The following ASXL3 variants were observed in gnomAD, a reference collection of about 807,000 sequenced individuals.
ASXL3 encodes ASXL transcriptional regulator 3.
In ASXL3, 34 loss-of-function variants were observed where a neutral mutation model predicts 170.6. The ratio of observed to expected loss-of-function variants is 0.20; its 90% CI spans 0.15 to 0.27. The LOEUF is 0.27. Ranked by LOEUF, ASXL3 falls within the 10% of genes least tolerant of loss-of-function variation. The pLI, the probability that ASXL3 is intolerant of heterozygous loss-of-function variation, is 1.00. For missense variants in ASXL3, 2,592 were observed against 2,695.3 expected, an observed-to-expected ratio of 0.96 and a Z score of 0.85; for synonymous variants, 1,002 against 989.1, an observed-to-expected ratio of 1.01 and a Z score of -0.24.
rs946771149 is a variant in ASXL3, at chr18:33,748,335, A to G, written c.*1740A>G. 6 of 152,088 alleles carry G rather than the reference A, an allele frequency of 3.9e-5. No individual in the cohort carries two copies. Among genetic ancestry groups the G allele is most frequent in the African/African-American group, 1.4e-4 (6 of 41,402 alleles). 9.4% of individuals were successfully genotyped at this position (152,088 alleles called of 1,614,324 possible). ...TGTTTTTTTCTCCGTATTTATTGTG[A>G]TGTTGCCAAATTTCTTTCTTTAGGT... On this transcript the variant is annotated 3_prime_UTR_variant, in exon 12 of 12. Transcript: ENST00000269197.
At chr18:33,671,198 C>A (rs1483734830) in intron 6 of ASXL3, among the ~76,000 whole-genome samples, 2 of 152,090 alleles carry the variant, frequency 1.3e-5, no homozygotes, top group East Asian at 3.9e-4. Context: ...GTCAGAAATC[C>A]TTTTATTAGT....
chr18:33,696,232 C>T (rs1053068576), intron 8 of ASXL3, among the ~76,000 whole-genome samples: 4 of 151,886 alleles, frequency 2.6e-5, no homozygotes, highest in African/African-American at 9.7e-5. Flanking sequence ...TATAGTTGCC[C>T]AAGAAAATAC....
intron 6 of ASXL3, among the ~76,000 whole-genome samples, chr18:33,671,161 A>G (rs192866219): frequency 2.2e-4 from 33 of 152,208 alleles, no homozygotes; most frequent in African/African-American, 7.5e-4. Context: ...GTGAGTGTGA[A>G]TTTGTTTTTC....
rs936758687 is a variant in ASXL3, at chr18:33,750,095, C to G, written c.*3500C>G. ...TGTACGGTGGTGAGGCCCAGCACAG[C>G]GGTAGCTGCCTAGTGGGAATGACCC... On this transcript the variant is annotated 3_prime_UTR_variant, in exon 12 of 12. Transcript: ENST00000269197. 7 of 152,236 alleles carry G rather than the reference C, an allele frequency of 4.6e-5. No homozygotes were observed. Among genetic ancestry groups the G allele is most frequent in the Non-Finnish European group, 1.5e-5 (1 of 68,104 alleles). 9.4% of individuals were successfully genotyped at this position (152,236 alleles called of 1,614,324 possible). A position where few individuals can be genotyped will look rare whatever the true frequency, so the allele number is the denominator to read the frequency against.
chr18:33,727,972 G>A (rs933841324), intron 8 of ASXL3, among the ~76,000 whole-genome samples: 2 of 152,048 alleles, frequency 1.3e-5, no homozygotes, highest in African/African-American at 4.8e-5. Flanking sequence ...ATGTGTTTAT[G>A]TCACACTGCC....
intron 8 of ASXL3, among the ~76,000 whole-genome samples, chr18:33,695,302 A>C (rs2145313293): frequency 6.6e-6 from 1 of 152,220 alleles, no homozygotes; most frequent in African/African-American, 2.4e-5. Flanking sequence ...TGAGTCTGAA[A>C]GCGTATCTAA....
At chr18:33,731,896 G>C (rs1008200652) in intron 8 of ASXL3, 72 bp from the exon 9 acceptor site, 2 of 1,207,540 alleles carry the variant, frequency 1.7e-6, no homozygotes, top group African/African-American at 3.0e-5. Flanking sequence ...CTCAATTTTT[G>C]CTTCTTTCCT....
rs185753602 is a variant in ASXL3 at position 33,743,237 on chromosome 18, C to G, written c.3389C>G (p.Pro1130Arg). ...LFQTSKETRL[P>R]PPLSSKEGPP... ...CAGACCTCTAAAGAGACCCGGTTGC[C>G]TCCTCCGCTCAGCTCAAAGGAAGGG... is the stretch of plus-strand genomic sequence containing the variant. The change falls in exon 12 of 12, where the codon CCT becomes CGT. Residue 1130 changes from proline (P) to arginine (R), a missense_variant. This residue lies in a region of ASXL3 where 2,246 missense variants were observed against 2,219.6 expected (regional missense o/e 1.01). Coordinates refer to ENST00000269197, the MANE Select transcript of ASXL3 (RefSeq NM_030632.3). 2,875 of 1,613,976 alleles carry G rather than the reference C, an allele frequency of 1.8e-3. 2 individuals are homozygous for G. Among genetic ancestry groups the G allele is most frequent in the Non-Finnish European group, 2.2e-3 (2,633 of 1,179,850 alleles).
intron 1 of ASXL3, among the ~76,000 whole-genome samples, chr18:33,606,883 G>C (rs767809240): frequency 6.6e-6 from 1 of 151,890 alleles, no homozygotes; most frequent in Non-Finnish European, 1.5e-5. Flanking sequence ...GATGGTCTAA[G>C]ACCTGTGGAA....
intron 4 of ASXL3, among the ~76,000 whole-genome samples, chr18:33,648,440 C>A (rs1215459394): frequency 6.6e-6 from 1 of 152,074 alleles, no homozygotes; most frequent in Non-Finnish European, 1.5e-5. Context: ...TGAACAATAG[C>A]ATTGTCCTTA....
At position 33,743,042 on chromosome 18, in the gene ASXL3, G is replaced by C; in HGVS notation, c.3194G>C (p.Arg1065Pro). The stretch of plus-strand genomic sequence containing the variant: ...ATCAAGGCCCGGGCCCAACAAGCTC[G>C]GGCCCAGCGAGAGGCTGCTGCAGCT... ...ADIKARAQQA[R>P]AQREAAAAAA... is the part of the protein sequence containing the mutation. The change falls in exon 12 of 12, where the codon CGG becomes CCG. Residue 1065 changes from arginine (R) to proline (P), a missense_variant. Arg to Pro is a moderately radical substitution (Grantham distance 103, BLOSUM62 -2). Around this residue, in one of 4 missense-constraint regions of ASXL3, gnomAD observed 2,246 missense variants for 2,219.6 expected, o/e 1.01. Coordinates refer to ENST00000269197, the MANE Select transcript of ASXL3 (RefSeq NM_030632.3). 6.2e-7 allele frequency: 1 copy of C among 1,613,702 alleles called. No homozygotes were observed. The highest frequency in any genetic ancestry group is 8.5e-7 in the Non-Finnish European group (1 of 1,179,798).
chr18:33,606,242 C>T (rs2065247117), intron 1 of ASXL3, among the ~76,000 whole-genome samples: 1 of 151,982 alleles, frequency 6.6e-6, no homozygotes, highest in Middle Eastern at 3.2e-3. Context: ...TCCTCTTCTG[C>T]AAGGACCATT....
intron 8 of ASXL3, among the ~76,000 whole-genome samples, chr18:33,727,486 C>A (rs1364097017): frequency 2.6e-5 from 4 of 151,996 alleles, no homozygotes; most frequent in Non-Finnish European, 5.9e-5. Flanking sequence ...GATATACTTA[C>A]CAAGAAAGAG....
chr18:33,728,252 A>G (rs1179258186), intron 8 of ASXL3, among the ~76,000 whole-genome samples: 1 of 152,276 alleles, frequency 6.6e-6, no homozygotes, highest in African/African-American at 2.4e-5. Flanking sequence ...TTATAAGACA[A>G]AATCTAAGTC....
intron 2 of ASXL3, among the ~76,000 whole-genome samples, chr18:33,636,470 G>A (rs1169097306): frequency 5.9e-5 from 9 of 152,148 alleles, no homozygotes; most frequent in African/African-American, 2.2e-4. Flanking sequence ...TGTGTAGGCC[G>A]AATTGGACCT....
chr18:33,699,753 G>A (rs2066838149), intron 8 of ASXL3, among the ~76,000 whole-genome samples: 1 of 152,020 alleles, frequency 6.6e-6, no homozygotes, highest in African/African-American at 2.4e-5. Flanking sequence ...GTATTTTGAG[G>A]CCACTGTTCT....
intron 8 of ASXL3, among the ~76,000 whole-genome samples, chr18:33,700,757 T>G (rs944932723): frequency 6.6e-6 from 1 of 152,064 alleles, no homozygotes; most frequent in African/African-American, 2.4e-5. Flanking sequence ...TAGATTGAGC[T>G]TTAGCCATAT....
At chr18:33,670,541 A>G (rs971303007) in intron 5 of ASXL3, 132 bp from the exon 6 acceptor site, 8 of 594,504 alleles carry the variant, frequency 1.3e-5, no homozygotes, top group African/African-American at 3.8e-5. Context: ...ATCCTGAGAA[A>G]TTAGGGGCTC....
intron 7 of ASXL3, among the ~76,000 whole-genome samples, chr18:33,679,723 C>G: frequency 6.6e-6 from 1 of 151,958 alleles, no homozygotes; most frequent in Non-Finnish European, 1.5e-5. Flanking sequence ...TTATCATTCT[C>G]TTTTCAGGTT....
Sources: gnomAD v4.1 joint callset for allele counts (sites outside exome capture counted in the v4.1 genomes callset) on GRCh38, gnomAD v4.1.1 for gene constraint, gnomAD v4.1.1 regional missense constraint, MANE v1.5 for transcripts, NCBI Gene and HGNC (gene_info 2026-07-23, HGNC 2026-07-21) for gene names.